The following CNTN5 variants were observed in gnomAD, a reference collection of about 807,000 sequenced individuals.
The protein encoded by CNTN5 is contactin-5.
In CNTN5, 77 loss-of-function variants were observed where a neutral mutation model predicts 129.1. The observed-to-expected ratio is 0.60, with a 90% CI of 0.50 to 0.72. The LOEUF is 0.72. Among genes scored for constraint, CNTN5 ranks in the 30% least tolerant of loss-of-function variants. The probability of loss-of-function intolerance (pLI) is 0.00; values close to 1 mark genes in which losing one functional copy is unlikely to be tolerated. For missense variants in CNTN5, 1,478 were observed against 1,328.8 expected, an observed-to-expected ratio of 1.11 and a Z score of -1.75; for synonymous variants, 509 against 465.6, an observed-to-expected ratio of 1.09 and a Z score of -1.20.
intron 1 of CNTN5, among the ~76,000 whole-genome samples, chr11:99,185,047 A>G (rs1487056715): frequency 6.6e-6 from 1 of 152,000 alleles, no homozygotes; most frequent in East Asian, 1.9e-4. Context: ...CAAAAGAAGA[A>G]AAAGAAAAAA....
chr11:99,703,465 G>T (rs1591503545), intron 3 of CNTN5, among the ~76,000 whole-genome samples: 1 of 150,330 alleles, frequency 6.7e-6, no homozygotes, highest in African/African-American at 2.4e-5. Context: ...AAAAATACTT[G>T]TCATTTCTTC....
chr11:99,553,810 AGAG>A (rs1948574704), intron 2 of CNTN5, among the ~76,000 whole-genome samples: 1 of 151,234 alleles, frequency 6.6e-6, no homozygotes, highest in Non-Finnish European at 1.5e-5. Flanking sequence ...AGGGAGAAAA[AGAG>A]AGAGAGAATA....
At chr11:99,928,829 T>C (rs1354792511) in intron 7 of CNTN5, among the ~76,000 whole-genome samples, 2 of 152,232 alleles carry the variant, frequency 1.3e-5, no homozygotes, top group African/African-American at 4.8e-5. Context: ...CTTGAATTCC[T>C]CCTCAGAAAA....
At chr11:100,319,153 C>CTT (rs1291858718) in intron 21 of CNTN5, among the ~76,000 whole-genome samples, 12 of 137,392 alleles carry the variant, frequency 8.7e-5, no homozygotes, top group South Asian at 4.6e-4. Context: ...TTTTTCTTTT[C>CTT]TTTTTTTTTT....
intron 13 of CNTN5, among the ~76,000 whole-genome samples, chr11:100,185,217 T>C (rs1948262147): frequency 6.6e-6 from 1 of 152,124 alleles, no homozygotes; most frequent in African/African-American, 2.4e-5. Flanking sequence ...TTTTAACTTT[T>C]GGGGGGTTTT....
intron 2 of CNTN5, among the ~76,000 whole-genome samples, chr11:99,347,259 A>T (rs1353881424): frequency 6.6e-6 from 1 of 152,134 alleles, no homozygotes; most frequent in Non-Finnish European, 1.5e-5. Context: ...TTCTAGGAAA[A>T]TCTCTGCCTT....
At chr11:99,533,901 T>C (rs976064099) in intron 2 of CNTN5, among the ~76,000 whole-genome samples, 3 of 152,162 alleles carry the variant, frequency 2.0e-5, no homozygotes, top group African/African-American at 7.2e-5. Flanking sequence ...TCCATACTCA[T>C]AGAGAAAATT....
chr11:99,689,059 A>G (rs1336149371), intron 3 of CNTN5, among the ~76,000 whole-genome samples: 1 of 152,090 alleles, frequency 6.6e-6, no homozygotes, highest in African/African-American at 2.4e-5. Context: ...TAGTGCTCTA[A>G]TGAATACACA....
chr11:100,219,600 G>A (rs1949218996), intron 15 of CNTN5, among the ~76,000 whole-genome samples: 1 of 152,198 alleles, frequency 6.6e-6, no homozygotes, highest in East Asian at 1.9e-4. Flanking sequence ...TCAACAAATA[G>A]AACTGTTTCT....
At chr11:99,967,079 G>A (rs547017440) in intron 8 of CNTN5, among the ~76,000 whole-genome samples, 2 of 152,062 alleles carry the variant, frequency 1.3e-5, no homozygotes, top group Non-Finnish European at 2.9e-5. Flanking sequence ...GAAGTAATTT[G>A]GTATTAGGTG....
At chr11:100,100,123 G>A (rs919396874) in intron 13 of CNTN5, among the ~76,000 whole-genome samples, 2 of 152,004 alleles carry the variant, frequency 1.3e-5, no homozygotes, top group East Asian at 3.9e-4. Flanking sequence ...GGTTTTAATT[G>A]GCTGCAGTTT....
chr11:99,288,224 T>C (rs1001889323), intron 1 of CNTN5, among the ~76,000 whole-genome samples: 2 of 151,946 alleles, frequency 1.3e-5, no homozygotes, highest in African/African-American at 4.8e-5. Flanking sequence ...AGCAGGGTTT[T>C]TTTTTTACAA....
chr11:99,408,459 A>AAAGAAAGG (rs1942220392), intron 2 of CNTN5, among the ~76,000 whole-genome samples: 3 of 141,502 alleles, frequency 2.1e-5, no homozygotes, highest in African/African-American at 7.8e-5. Context: ...AGAAAGAAAG[A>AAAGAAAGG]AAGAAAGAAA....
intron 1 of CNTN5, among the ~76,000 whole-genome samples, chr11:99,306,426 G>A (rs1288880908): frequency 1.3e-5 from 2 of 152,054 alleles, no homozygotes; most frequent in Non-Finnish European, 2.9e-5. Flanking sequence ...TAAATAAAAG[G>A]TAAATATGAG....
chr11:99,836,337 C>G (rs1265813531), intron 4 of CNTN5, among the ~76,000 whole-genome samples: 7 of 149,540 alleles, frequency 4.7e-5, no homozygotes, highest in African/African-American at 9.9e-5. Flanking sequence ...GTTCCCCACC[C>G]TGTGTCGAAG....
chr11:99,440,500 T>C (rs1304497070), intron 2 of CNTN5, among the ~76,000 whole-genome samples: 1 of 152,154 alleles, frequency 6.6e-6, no homozygotes, highest in Non-Finnish European at 1.5e-5. Context: ...TAATCCACTG[T>C]GCTTTCTGCA....
At chr11:99,560,521 C>A (rs1833651129) in intron 3 of CNTN5, among the ~76,000 whole-genome samples, 2 of 151,962 alleles carry the variant, frequency 1.3e-5, no homozygotes, top group South Asian at 4.1e-4. Context: ...AAATTCCCAA[C>A]CTCAGGTGAT....
rs186153262 is a variant in CNTN5 at position 100,174,394 on chromosome 11, A to G, written c.1581-16732A>G. On this transcript the variant is annotated intron_variant, in intron 13 of 24. Transcript: ENST00000524871. ...TCGCACCTATAAAATAAACAATTGT[A>G]TGATAGTTCTTAACCTTGTTTTCAT... Among the ~76,000 whole-genome samples, 552 of 152,226 alleles carry G rather than the reference A, an allele frequency of 3.6e-3. 5 individuals are homozygous for G. Among genetic ancestry groups the G allele is most frequent in the Non-Finnish European group, 4.7e-3 (317 of 68,000 alleles).
chr11:99,479,786 G>A (rs1438317238), intron 2 of CNTN5, among the ~76,000 whole-genome samples: 4 of 151,620 alleles, frequency 2.6e-5, no homozygotes, highest in Non-Finnish European at 4.4e-5. Context: ...AGCAACAGAT[G>A]TATATGTTTT....
Sources: gnomAD v4.1 joint callset for allele counts (sites outside exome capture counted in the v4.1 genomes callset) on GRCh38, gnomAD v4.1.1 for gene constraint, MANE v1.5 for transcripts, NCBI Gene and HGNC (gene_info 2026-07-23, HGNC 2026-07-21) for gene names.